NUFIP2: variants seen among roughly 807,000 people sequenced by gnomAD.
NUFIP2 encodes the protein nuclear FMR1 interacting protein 2.
A neutral mutation model predicts 56.9 loss-of-function variants in NUFIP2; 6 were observed. The observed-to-expected ratio is 0.11, with a 90% CI of 0.06 to 0.21. NUFIP2 has a LOEUF of 0.21. NUFIP2 is among the 10% of genes least tolerant of loss of function. The pLI is 1.00. For synonymous variants in NUFIP2, 321 were observed against 298.2 expected, an observed-to-expected ratio of 1.08 and a Z score of -0.79; for missense variants, 828 against 826.8, an observed-to-expected ratio of 1.00 and a Z score of -0.02.
In NUFIP2 at chr17:29,259,360, T is replaced by C. The variant is rs1362796548; in HGVS notation, c.*5179A>G. On this transcript the variant is annotated 3_prime_UTR_variant, in exon 4 of 4. Transcript: ENST00000225388. ...ACTTTGGGAGGCTGAGGCGGGCAGATTGCCTGAGGTCAGGAGTTCGAGACC... is the reference window on the plus strand; with the variant it reads ...ACTTTGGGAGGCTGAGGCGGGCAGACTGCCTGAGGTCAGGAGTTCGAGACC... 8 of 152,202 alleles carry C rather than the reference T, an allele frequency of 5.3e-5. No homozygotes were observed. The highest frequency in any genetic ancestry group is 1.0e-4 in the Non-Finnish European group (7 of 68,124). The allele number at this position is 152,202 out of a possible 1,614,324, so 9.4% of individuals were successfully genotyped here. A position where few individuals can be genotyped will look rare whatever the true frequency, so the allele number is the denominator to read the frequency against.
chr17:29,281,059 C>T (rs1325664043), intron 2 of NUFIP2, among the ~76,000 whole-genome samples: 1 of 152,028 alleles, frequency 6.6e-6, no homozygotes, highest in East Asian at 1.9e-4. Context: ...CTTTGGGAGG[C>T]TGAGGCAGGA....
intron 2 of NUFIP2, among the ~76,000 whole-genome samples, chr17:29,270,613 A>T (rs1467010382): frequency 6.6e-6 from 1 of 152,156 alleles, no homozygotes. Flanking sequence ...TTCCTGAAGA[A>T]TTATGTATAT....
At chr17:29,289,073 G>A (rs1220967868) in intron 1 of NUFIP2, among the ~76,000 whole-genome samples, 3 of 152,188 alleles carry the variant, frequency 2.0e-5, no homozygotes, top group African/African-American at 7.2e-5. Flanking sequence ...CCAGGAGGTC[G>A]AGGCTGCAGT....
intron 2 of NUFIP2, among the ~76,000 whole-genome samples, chr17:29,276,294 C>T (rs1250280752): frequency 2.0e-5 from 3 of 152,102 alleles, no homozygotes; most frequent in African/African-American, 7.2e-5. Context: ...TAATCTTACT[C>T]TCCAGGCACA....
intron 2 of NUFIP2, among the ~76,000 whole-genome samples, chr17:29,279,243 T>C (rs2069126153): frequency 1.3e-5 from 2 of 152,246 alleles, no homozygotes; most frequent in Non-Finnish European, 2.9e-5. Context: ...TTGTCAATTT[T>C]ATGGATTAAT....
In NUFIP2 at chr17:29,287,037, G is replaced by C. The variant is rs978456807; in HGVS notation, c.957C>G (p.Pro319=). The C allele has an allele frequency of 4.3e-6, 7 of 1,614,100 alleles. No homozygotes were observed. The highest frequency in any genetic ancestry group is 5.9e-6 in the Non-Finnish European group (7 of 1,180,028). Residue 319 remains proline (P), a synonymous_variant, in exon 2 of 4, where the codon CCC becomes CCG. Coordinates refer to ENST00000225388, the MANE Select transcript of NUFIP2 (RefSeq NM_020772.3). Reference sequence around the variant, plus strand: ...CAACAGCTGAAGCATGCTTTCCTTTGGGCCGATCATCAAACTTTTTGCTGC... The same window carrying C: ...CAACAGCTGAAGCATGCTTTCCTTTCGGCCGATCATCAAACTTTTTGCTGC... ...GVSSKKFDDR[P]KGKHASAVAS...
Position 29,262,880 on chromosome 17 carries a change from CT to C in NUFIP2, c.*1658del, listed in dbSNP as rs2153010474. On this transcript the variant is annotated 3_prime_UTR_variant, in exon 4 of 4. Coordinates refer to ENST00000225388, the MANE Select transcript of NUFIP2 (RefSeq NM_020772.3). ...TACTCTATGTTGAGTCCAACAGCTTCTTTCATGAACTACTTGTTTTAAAAGC... is the reference window on the plus strand; with the variant it reads ...TACTCTATGTTGAGTCCAACAGCTTCTTCATGAACTACTTGTTTTAAAAGC... The C allele has an allele frequency of 6.6e-6, 1 of 152,396 alleles. No individual in the cohort carries two copies. The highest frequency in any genetic ancestry group is 1.9e-4 in the East Asian group (1 of 5,186). The allele number at this position is 152,396 out of a possible 1,614,324, so 9.4% of individuals were successfully genotyped here. A position where few individuals can be genotyped will look rare whatever the true frequency, so the allele number is the denominator to read the frequency against.
intron 2 of NUFIP2, among the ~76,000 whole-genome samples, chr17:29,285,193 G>C (rs7218736): frequency 1.3e-5 from 2 of 151,656 alleles, no homozygotes; most frequent in Non-Finnish European, 2.9e-5. Flanking sequence ...CCAGCTACTC[G>C]GGAGGCTGAG....
Position 29,261,511 on chromosome 17 carries a change from ACT to A in NUFIP2, c.*3026_*3027del, listed in dbSNP as rs1260367539. Reference sequence around the variant, plus strand: ...ATTTGGTTTATGCTACAGTACTAATACTCTGAGTTGAAGGAAAATTCTTTATA... The same window carrying A: ...ATTTGGTTTATGCTACAGTACTAATACTGAGTTGAAGGAAAATTCTTTATA... On this transcript the variant is annotated 3_prime_UTR_variant, in exon 4 of 4. Transcript: ENST00000225388. 6 of 152,086 alleles carry A rather than the reference ACT, an allele frequency of 3.9e-5. No homozygotes were observed. Among genetic ancestry groups the A allele is most frequent in the African/African-American group, 1.2e-4 (5 of 41,420 alleles). The allele number at this position is 152,086 out of a possible 1,614,324, so 9.4% of individuals were successfully genotyped here. A position where few individuals can be genotyped will look rare whatever the true frequency, so the allele number is the denominator to read the frequency against.
chr17:29,265,953 C>CT (rs1233111329), intron 3 of NUFIP2, among the ~76,000 whole-genome samples: 1 of 152,046 alleles, frequency 6.6e-6, no homozygotes, highest in African/African-American at 2.4e-5. Flanking sequence ...ACAGGTAGGT[C>CT]TACTTTGCAG....
At position 29,285,972 on chromosome 17, in the gene NUFIP2, A is replaced by G. The variant is rs754868500; in HGVS notation, c.2002+20T>C. On this transcript the variant is annotated intron_variant, in intron 2 of 3. Transcript: ENST00000225388. ...TAAATTGGCCAATAAAAATCTTTGT[A>G]TAGGAAACAAATGAGTTACCTTTAG... 3.5e-5 allele frequency: 55 copies of G among 1,564,466 alleles called. No homozygotes were observed. In the South Asian group the frequency reaches 4.8e-4, roughly 14 times the overall value.
intron 2 of NUFIP2, among the ~76,000 whole-genome samples, chr17:29,276,912 C>G (rs568333262): frequency 6.6e-6 from 1 of 152,170 alleles, no homozygotes; most frequent in South Asian, 2.1e-4. Flanking sequence ...TGAACAGATA[C>G]AGCATTTAAT....
chr17:29,293,672 C>T, intron 1 of NUFIP2, 111 bp downstream of exon 1: 1 of 600,976 alleles, frequency 1.7e-6, no homozygotes, highest in Non-Finnish European at 2.3e-6. Context: ...CCGGAGGGGA[C>T]ACACACACAC....
At chr17:29,280,724 G>A (rs2069134493) in intron 2 of NUFIP2, among the ~76,000 whole-genome samples, 1 of 152,156 alleles carries the variant, frequency 6.6e-6, no homozygotes, top group Non-Finnish European at 1.5e-5. Context: ...GGTGGCTCAT[G>A]CCTGTAATCC....
intron 2 of NUFIP2, among the ~76,000 whole-genome samples, chr17:29,268,610 CG>C (rs2069052983): frequency 6.6e-6 from 1 of 152,128 alleles, no homozygotes; most frequent in Admixed American, 6.5e-5. Context: ...ATCCCCCTCC[CG>C]GGTTCAAGCG....
At chr17:29,284,536 T>C (rs1396110443) in intron 2 of NUFIP2, among the ~76,000 whole-genome samples, 3 of 151,108 alleles carry the variant, frequency 2.0e-5, no homozygotes, top group Admixed American at 6.6e-5. Context: ...TGAAACCTCA[T>C]CTCTACTAAA....
intron 2 of NUFIP2, among the ~76,000 whole-genome samples, chr17:29,273,008 C>CTA: frequency 6.8e-6 from 1 of 146,164 alleles, no homozygotes; most frequent in Non-Finnish European, 1.5e-5. Context: ...CGCCACCAGG[C>CTA]CCAGCTAATA....
intron 2 of NUFIP2, among the ~76,000 whole-genome samples, chr17:29,282,956 A>G (rs1213725523): frequency 6.6e-6 from 1 of 152,252 alleles, no homozygotes; most frequent in Non-Finnish European, 1.5e-5. Context: ...TGGACCAATC[A>G]ACATTTGGCA....
In NUFIP2 at chr17:29,256,791, T is replaced by G. The variant is rs2153009984; in HGVS notation, c.*7748A>C. On this transcript the variant is annotated 3_prime_UTR_variant, in exon 4 of 4. Transcript: ENST00000225388. Reference sequence around the variant, plus strand: ...TACAGATTGCAGCACTTGAACCAAATGTACCCAACTCCTAAACTTGTTCTA... The same window carrying G: ...TACAGATTGCAGCACTTGAACCAAAGGTACCCAACTCCTAAACTTGTTCTA... The G allele has an allele frequency of 6.6e-6, 1 of 152,314 alleles. No individual in the cohort carries two copies. Among genetic ancestry groups the G allele is most frequent in the South Asian group, 2.1e-4 (1 of 4,832 alleles). The allele number at this position is 152,314 out of a possible 1,614,324, so 9.4% of individuals were successfully genotyped here. A position where few individuals can be genotyped will look rare whatever the true frequency, so the allele number is the denominator to read the frequency against.
Sources: gnomAD v4.1 joint callset for allele counts (sites outside exome capture counted in the v4.1 genomes callset) on GRCh38, gnomAD v4.1.1 for gene constraint, MANE v1.5 for transcripts, NCBI Gene and HGNC (gene_info 2026-07-23, HGNC 2026-07-21) for gene names.